Variants in BIRC6 observed in about 807,000 individuals in gnomAD.
The protein encoded by BIRC6 is baculoviral IAP repeat containing 6.
A neutral mutation model predicts 503.3 loss-of-function variants in BIRC6; 98 were observed. The ratio of observed to expected loss-of-function variants is 0.19; its 90% CI spans 0.17 to 0.23. The LOEUF is 0.23. BIRC6 is among the 10% of genes least tolerant of loss of function. The probability of loss-of-function intolerance (pLI) is 1.00; values close to 1 mark genes in which losing one functional copy is unlikely to be tolerated. For missense variants in BIRC6, 5,360 were observed against 5,806.0 expected (o/e 0.92, Z 2.50); for synonymous variants, 2,240 against 2,078.7 (o/e 1.08, Z -2.11).
intron 55 of BIRC6, among the ~76,000 whole-genome samples, chr2:32,517,078 C>T (rs1225487130): frequency 6.6e-6 from 1 of 152,068 alleles, no homozygotes; most frequent in East Asian, 1.9e-4. Flanking sequence ...TACCTATAAT[C>T]CCAGCTCTTT....
At chr2:32,577,705 T>G (rs751249105) in intron 66 of BIRC6, among the ~76,000 whole-genome samples, 2 of 152,234 alleles carry the variant, frequency 1.3e-5, no homozygotes, top group Non-Finnish European at 2.9e-5. Flanking sequence ...CATAACACTG[T>G]ATAATTTTTT....
At chr2:32,429,506 A>G (rs2043871662) in intron 11 of BIRC6, among the ~76,000 whole-genome samples, 1 of 152,132 alleles carries the variant, frequency 6.6e-6, no homozygotes, top group African/African-American at 2.4e-5. Context: ...GGGAAAAATC[A>G]TATAAAAGAG....
At chr2:32,470,124 G>C (rs370379703) in intron 30 of BIRC6, 44 bp from the exon 31 acceptor site, 2 of 1,350,444 alleles carry the variant, frequency 1.5e-6, no homozygotes, top group Non-Finnish European at 1.9e-6. Context: ...TTGAACAATC[G>C]AATTGATTCT....
intron 51 of BIRC6, 23 bp downstream of exon 51, chr2:32,508,282 T>TCC: frequency 1.2e-6 from 1 of 855,002 alleles, no homozygotes; most frequent in Non-Finnish European, 1.5e-6. Flanking sequence ...TGTCCTTTTT[T>TCC]TTTTTTTTTT....
In BIRC6 at chr2:32,380,273, A is replaced by C; in HGVS notation, c.628A>C (p.Asn210His). The C allele has an allele frequency of 1.9e-6, 3 of 1,602,456 alleles. No homozygotes were observed. The highest frequency in any genetic ancestry group is 2.5e-6 in the Non-Finnish European group (3 of 1,177,190). Reference protein sequence around the residue: ...LKNTSHETAANHKVAKWATVT... With the variant: ...LKNTSHETAAHHKVAKWATVT... ...AAATACATCTCATGAGACTGCAGCAAACCACAAAGTTGCTAAGGTAAGAAG... is the reference window on the plus strand; with the variant it reads ...AAATACATCTCATGAGACTGCAGCACACCACAAAGTTGCTAAGGTAAGAAG... The change falls in exon 3 of 74, where the codon AAC becomes CAC. Residue 210 changes from asparagine (N) to histidine (H), a missense_variant. By Grantham distance (68) the Asn-to-His change is moderately conservative. Coordinates refer to ENST00000421745, the MANE Select transcript of BIRC6 (RefSeq NM_016252.4).
chr2:32,395,604 A>G lies in BIRC6; in HGVS notation c.1034+11A>G. The stretch of plus-strand genomic sequence containing the variant: ...TACTGATGAACCTTGGTGAGTCTTG[A>G]TGTTTCTGGGCATAATAGGCTAAGT... On this transcript the variant is annotated intron_variant, in intron 6 of 73. Transcript: ENST00000421745. 3 of 1,596,810 alleles carry G rather than the reference A, an allele frequency of 1.9e-6. No individual in the cohort carries two copies. The highest frequency in any genetic ancestry group is 2.6e-6 in the Non-Finnish European group (3 of 1,164,524).
rs1305384048 is a variant in BIRC6, at chr2:32,503,224, T to A, written c.9487T>A (p.Phe3163Ile). The change falls in exon 49 of 74, where the codon TTT becomes ATT. Residue 3163 changes from phenylalanine (F) to isoleucine (I), a missense_variant. Physicochemically the swap from Phe to Ile is conservative, Grantham distance 21. Transcript: ENST00000421745. Reference sequence around the variant, plus strand: ...TGACAATGCTGAAGGGATTCATAACTTTGCACCCCTCGGTAAGAAAAGTGT... The same window carrying A: ...TGACAATGCTGAAGGGATTCATAACATTGCACCCCTCGGTAAGAAAAGTGT... ...EPDNAEGIHN[F>I]APLGTITSSS... 1 of 1,602,850 alleles carries A rather than the reference T, an allele frequency of 6.2e-7. No individual in the cohort carries two copies. Among genetic ancestry groups the A allele is most frequent in the Non-Finnish European group, 8.5e-7 (1 of 1,176,032 alleles).
chr2:32,457,170 C>A (rs1459703946), intron 23 of BIRC6, among the ~76,000 whole-genome samples: 1 of 152,184 alleles, frequency 6.6e-6, no homozygotes, highest in African/African-American at 2.4e-5. Context: ...ATATATTTTT[C>A]CATCTTTTTA....
intron 63 of BIRC6, among the ~76,000 whole-genome samples, chr2:32,546,269 T>G (rs1046893547): frequency 6.6e-6 from 1 of 152,134 alleles, no homozygotes; most frequent in African/African-American, 2.4e-5. Context: ...TCAATATGAT[T>G]TAATTGTATT....
At position 32,377,745 on chromosome 2, in the gene BIRC6, T is replaced by C; in HGVS notation, c.483T>C (p.Val161=). The C allele has an allele frequency of 6.2e-7, 1 of 1,613,222 alleles. No homozygotes were observed. Among genetic ancestry groups the C allele is most frequent in the Non-Finnish European group, 8.5e-7 (1 of 1,179,582 alleles). ...CAGTTTCAAAGCAGGATGATGTGGT[T>C]CAGCTTGAATTACCCGTTACAGAGG... ...QTPVSKQDDV[V]QLELPVTEAQ... Residue 161 remains valine (V), a synonymous_variant, in exon 2 of 74, where the codon GTT becomes GTC. Transcript: ENST00000421745.
At position 32,436,169 on chromosome 2, in the gene BIRC6, C is replaced by T. The variant is rs760077151; in HGVS notation, c.3616C>T (p.Pro1206Ser). The T allele has an allele frequency of 1.4e-6, 2 of 1,448,108 alleles. No individual in the cohort carries two copies. Among genetic ancestry groups the T allele is most frequent in the Non-Finnish European group, 9.3e-7 (1 of 1,080,422 alleles). 89.7% of individuals were successfully genotyped at this position (1,448,108 alleles called of 1,614,324 possible). ...TGCTGGAATGTTGACGTTAACAAGC[C>T]CCAAACTTGTTAAAGGTGAAGTAAT... is the stretch of plus-strand genomic sequence containing the variant. ...GHAGMLTLTS[P>S]KLVKGMAGGK... The change falls in exon 15 of 74, where the codon CCC becomes TCC. Residue 1206 changes from proline to serine, a missense_variant. Transcript: ENST00000421745.
intron 62 of BIRC6, among the ~76,000 whole-genome samples, chr2:32,545,432 A>G (rs1033906644): frequency 1.3e-5 from 2 of 152,120 alleles, no homozygotes; most frequent in Non-Finnish European, 2.9e-5. Flanking sequence ...TTTGAGGTTT[A>G]TGTATACCGT....
At chr2:32,471,663 A>G (rs996886596) in intron 32 of BIRC6, among the ~76,000 whole-genome samples, 1 of 152,162 alleles carries the variant, frequency 6.6e-6, no homozygotes, top group Non-Finnish European at 1.5e-5. Flanking sequence ...CCAGTTAACA[A>G]GGCTTTTTAT....
At chr2:32,416,367 T>G (rs2042373911) in intron 10 of BIRC6, among the ~76,000 whole-genome samples, 1 of 152,106 alleles carries the variant, frequency 6.6e-6, no homozygotes, top group African/African-American at 2.4e-5. Context: ...GTAAATAAGT[T>G]AGTAAGTCAC....
rs748567541 is a variant in BIRC6 at position 32,414,973 on chromosome 2, A to G, written c.1682A>G (p.Asn561Ser). The change falls in exon 10 of 74, where the codon AAC (asparagine) becomes AGC (serine). Residue 561 changes from asparagine to serine, a missense_variant. Around this residue, in one of 16 missense-constraint regions of BIRC6, gnomAD observed 700 missense variants for 739.3 expected, o/e 0.95. Transcript: ENST00000421745. ...AAGGAAAAGCACCAGGAGCAACACA[A>G]CATTCCTTTTCCATGTTTATTAGCT... ...KTKEKHQEQH[N>S]IPFPCLLAGG... is the part of the protein sequence containing the mutation. The G allele has an allele frequency of 1.6e-5, 26 of 1,613,850 alleles. No homozygotes were observed. In the South Asian group the frequency reaches 2.1e-4, roughly 13 times the overall value.
chr2:32,611,558 G>A lies in BIRC6; in HGVS notation c.14370G>A (p.Met4790Ile). 1.9e-6 allele frequency: 3 copies of A among 1,592,666 alleles called. No individual in the cohort carries two copies. Among genetic ancestry groups the A allele is most frequent in the Non-Finnish European group, 2.6e-6 (3 of 1,167,276 alleles). The change falls in exon 73 of 74, where the codon ATG becomes ATA. Residue 4790 changes from methionine to isoleucine, a missense_variant. Physicochemically the swap from Met to Ile is conservative, Grantham distance 10. This residue lies in a region of BIRC6 where 140 missense variants were observed against 130.2 expected (regional missense o/e 1.07). Transcript: ENST00000421745. ...YSSDKRVGRT[M>I]SHHAAALKRH... ...GTGATAAGCGGGTAGGCAGGACTATGTCTCACCATGCAGCAGCTCTCAAGG... is the reference window on the plus strand; with the variant it reads ...GTGATAAGCGGGTAGGCAGGACTATATCTCACCATGCAGCAGCTCTCAAGG...
At position 32,580,196 on chromosome 2, in the gene BIRC6, C is replaced by T. The variant is rs184903517; in HGVS notation, c.13355+4830C>T. 1.4e-3 allele frequency among the ~76,000 whole-genome samples: 209 copies of T among 152,142 alleles called. 2 individuals are homozygous for T. Among genetic ancestry groups the T allele is most frequent in the African/African-American group, 4.8e-3 (199 of 41,516 alleles). ...CACAAACTCCTGACCTCAGGTAATC[C>T]GCCCGCCTCAGCCTCCCAAAGTTCT... On this transcript the variant is annotated intron_variant, in intron 66 of 73. Transcript: ENST00000421745.
chr2:32,388,730 A>G lies in BIRC6; in HGVS notation c.646-20A>G. 6.5e-7 allele frequency: 1 copy of G among 1,548,306 alleles called. No homozygotes were observed. The highest frequency in any genetic ancestry group is 8.7e-7 in the Non-Finnish European group (1 of 1,145,366). On this transcript the variant is annotated intron_variant, in intron 3 of 73. Transcript: ENST00000421745. ...CTGTTGAGTACATTTTCCTTTGCTT[A>G]TACTCCCATTTTCTTTCAGTGGGCC...
At position 32,478,715 on chromosome 2, in the gene BIRC6, G is replaced by C; in HGVS notation, c.7149G>C (p.Leu2383=). The C allele has an allele frequency of 6.2e-7, 1 of 1,613,924 alleles. No homozygotes were observed. The highest frequency in any genetic ancestry group is 8.5e-7 in the Non-Finnish European group (1 of 1,179,856). Residue 2383 remains leucine (L), a synonymous_variant, in exon 36 of 74, where the codon CTG becomes CTC. Transcript: ENST00000421745. ...TGAACGAACCCCAGCTGGAAAGACTGCTGTTACTTTTGGTTGGAACTGACT... is the reference window on the plus strand; with the variant it reads ...TGAACGAACCCCAGCTGGAAAGACTCCTGTTACTTTTGGTTGGAACTGACT... ...EIVNEPQLER[L]LLLLVGTDFN... is the part of the protein sequence containing the mutation.
Sources: gnomAD v4.1 joint callset for allele counts (sites outside exome capture counted in the v4.1 genomes callset) on GRCh38, gnomAD v4.1.1 for gene constraint, gnomAD v4.1.1 regional missense constraint, MANE v1.5 for transcripts, NCBI Gene and HGNC (gene_info 2026-07-23, HGNC 2026-07-21) for gene names.